CDH18: variants seen among roughly 807,000 people sequenced by gnomAD.
CDH18 encodes cadherin 18.
In CDH18, 31 loss-of-function variants were observed where a neutral mutation model predicts 67.9. That is an observed-to-expected ratio of 0.46 (90% CI 0.34 to 0.62). The LOEUF is 0.62. CDH18 is among the 20% of genes least tolerant of loss of function. CDH18 has a pLI of 0.01. For synonymous variants in CDH18, 362 were observed against 347.2 expected (o/e 1.04, Z -0.48); for missense variants, 890 against 975.5 (o/e 0.91, Z 1.17).
chr5:20,040,941 G>A (rs2150472141), intron 2 of CDH18, among the ~76,000 whole-genome samples: 1 of 152,226 alleles, frequency 6.6e-6, no homozygotes, highest in East Asian at 1.9e-4. Flanking sequence ...GTATTTATTT[G>A]GCCTTTGCCA....
chr5:19,839,130 C>T lies in CDH18; in HGVS notation c.-144G>A. 2 of 631,184 alleles carry T rather than the reference C, an allele frequency of 3.2e-6. No individual in the cohort carries two copies. Among genetic ancestry groups the T allele is most frequent in the Non-Finnish European group, 5.6e-6 (2 of 355,388 alleles). 39.1% of individuals were successfully genotyped at this position (631,184 alleles called of 1,614,324 possible). ...TTTAGCGTGTCCATGATTTAACTGTCCATCAGGGAAAGGTCAGATCATATT... is the reference window on the plus strand; with the variant it reads ...TTTAGCGTGTCCATGATTTAACTGTTCATCAGGGAAAGGTCAGATCATATT... On this transcript the variant is annotated 5_prime_UTR_variant, in exon 3 of 13. Transcript: ENST00000382275.
intron 1 of CDH18, among the ~76,000 whole-genome samples, chr5:20,354,360 G>A (rs1462250181): frequency 1.3e-5 from 2 of 152,108 alleles, no homozygotes; most frequent in Admixed American, 1.3e-4. Flanking sequence ...CAATAAGAAA[G>A]CATGCTTTAA....
intron 2 of CDH18, among the ~76,000 whole-genome samples, chr5:19,920,144 T>C (rs1340810048): frequency 6.6e-6 from 1 of 152,208 alleles, no homozygotes; most frequent in Non-Finnish European, 1.5e-5. Flanking sequence ...CATTATTTTG[T>C]TAAAACCTGG....
chr5:20,142,454 C>A (rs1350829414), intron 2 of CDH18, among the ~76,000 whole-genome samples: 4 of 151,836 alleles, frequency 2.6e-5, no homozygotes, highest in Admixed American at 6.6e-5. Flanking sequence ...GTGGCAAGCA[C>A]CCGTAGTCTC....
chr5:19,973,280 T>G (rs1798197658), intron 2 of CDH18, among the ~76,000 whole-genome samples: 1 of 152,120 alleles, frequency 6.6e-6, no homozygotes, highest in East Asian at 1.9e-4. Context: ...AAAAAGGTTA[T>G]ATCTGGGGAA....
At chr5:20,391,938 G>A (rs57155756) in intron 1 of CDH18, among the ~76,000 whole-genome samples, 24,230 of 43,782 alleles carry the variant, frequency 0.55, 3,486 homozygotes, top group East Asian at 0.64. Flanking sequence ...TTAATTTATT[G>A]TTATAGCATA....
At chr5:19,865,872 T>G (rs143338276) in intron 2 of CDH18, among the ~76,000 whole-genome samples, 14 of 152,286 alleles carry the variant, frequency 9.2e-5, no homozygotes, top group Non-Finnish European at 1.9e-4. Context: ...TACATTATGT[T>G]CTCTCTGCTT....
rs1581403703 is a variant in CDH18, at chr5:19,799,833, T to C, written c.228+38926A>G. 2.0e-5 allele frequency among the ~76,000 whole-genome samples: 3 copies of C among 152,274 alleles called. No homozygotes were observed. In the South Asian group the frequency reaches 6.2e-4, roughly 32 times the overall value. ...CCCAATGCTTAGCACATGCAAACTT[T>C]TCAAACCAACTACCATTTTTCAAGA... On this transcript the variant is annotated intron_variant, in intron 3 of 12. Transcript: ENST00000382275.
At chr5:19,726,544 G>C (rs1222730131) in intron 4 of CDH18, among the ~76,000 whole-genome samples, 1 of 152,164 alleles carries the variant, frequency 6.6e-6, no homozygotes, top group East Asian at 1.9e-4. Context: ...TCAGAGAACA[G>C]AACAGGAGTG....
At chr5:19,931,679 A>C (rs1793711693) in intron 2 of CDH18, among the ~76,000 whole-genome samples, 2 of 151,860 alleles carry the variant, frequency 1.3e-5, no homozygotes, top group African/African-American at 2.4e-5. Context: ...AAAACTTTTC[A>C]TATATAGAAA....
chr5:19,603,395 GT>G (rs1747488060), intron 6 of CDH18, among the ~76,000 whole-genome samples: 1 of 151,994 alleles, frequency 6.6e-6, no homozygotes, highest in Non-Finnish European at 1.5e-5. Context: ...TGGGTACAAA[GT>G]TTTACTTTTG....
At chr5:19,626,665 A>T (rs1751601318) in intron 5 of CDH18, among the ~76,000 whole-genome samples, 1 of 152,090 alleles carries the variant, frequency 6.6e-6, no homozygotes. Flanking sequence ...CTGCCCTCAC[A>T]ACACTGACAT....
intron 2 of CDH18, among the ~76,000 whole-genome samples, chr5:19,953,457 T>C (rs1242977141): frequency 6.6e-6 from 1 of 152,016 alleles, no homozygotes; most frequent in Non-Finnish European, 1.5e-5. Flanking sequence ...TCTGTTTGTT[T>C]ATTATACTGA....
chr5:19,996,258 C>T lies in CDH18; in HGVS notation c.-517-4244G>A, dbSNP rs557670094. ...ATGATGCATATATTGTGCCTCTTAA[C>T]ATTTAATATATCAGATTTTTCTGTC... On this transcript the variant is annotated intron_variant, in intron 2 of 14. Coordinates refer to the CDH18 transcript ENST00000507958. Among the ~76,000 whole-genome samples, 79 of 152,130 alleles carry T rather than the reference C, an allele frequency of 5.2e-4. 1 individual carries two copies. Among genetic ancestry groups the T allele is most frequent in the African/African-American group, 1.8e-3 (76 of 41,522 alleles).
chr5:19,593,726 C>CT (rs1745672726), intron 6 of CDH18, among the ~76,000 whole-genome samples: 1 of 141,170 alleles, frequency 7.1e-6, no homozygotes, highest in African/African-American at 2.8e-5. Flanking sequence ...TCTTCTTCTT[C>CT]TTCTTCTTCT....
At chr5:20,437,263 G>T (rs1749242487) in intron 1 of CDH18, among the ~76,000 whole-genome samples, 2 of 150,814 alleles carry the variant, frequency 1.3e-5, no homozygotes, top group Admixed American at 6.6e-5. Flanking sequence ...TAATCCCATA[G>T]CTCCCTTCTT....
At chr5:20,481,256 A>G (rs2126308428) in intron 1 of CDH18, among the ~76,000 whole-genome samples, 2 of 152,224 alleles carry the variant, frequency 1.3e-5, no homozygotes, top group Admixed American at 1.3e-4. Context: ...ATATTATGAT[A>G]AAGAGCTCAA....
Position 19,853,252 on chromosome 5 carries a change from G to A in CDH18, c.-256-14010C>T, listed in dbSNP as rs549523553. ...CCACTTGTTCCCTATGCCCCACATG[G>A]CCTTTCCTCAATGTATGTTCTCGGG... On this transcript the variant is annotated intron_variant, in intron 2 of 12. Transcript: ENST00000382275. Among the ~76,000 whole-genome samples, 3 of 152,146 alleles carry A rather than the reference G, an allele frequency of 2.0e-5. No homozygotes were observed. The East Asian group carries it at 5.8e-4, about 29-fold the overall frequency.
intron 1 of CDH18, among the ~76,000 whole-genome samples, chr5:20,501,980 T>C (rs1191941978): frequency 6.6e-6 from 1 of 151,902 alleles, no homozygotes; most frequent in Admixed American, 6.6e-5. Flanking sequence ...AAATGACAGA[T>C]ATGAATTTGC....
Sources: gnomAD v4.1 joint callset for allele counts (sites outside exome capture counted in the v4.1 genomes callset) on GRCh38, gnomAD v4.1.1 for gene constraint, MANE v1.5 for transcripts, NCBI Gene and HGNC (gene_info 2026-07-23, HGNC 2026-07-21) for gene names.